Variants in MOGAT1 observed in about 807,000 individuals in gnomAD.
The protein encoded by MOGAT1 is 2-acylglycerol O-acyltransferase 1.
A neutral mutation model predicts 31.4 loss-of-function variants in MOGAT1; 32 were observed. The observed-to-expected ratio is 1.02, with a 90% CI of 0.77 to 1.37. MOGAT1 has a LOEUF of 1.37. MOGAT1 is among the 40% of genes most tolerant of loss of function. The probability of loss-of-function intolerance (pLI) is 0.00; values close to 1 mark genes in which losing one functional copy is unlikely to be tolerated. For synonymous variants in MOGAT1, 145 were observed against 144.5 expected (o/e 1.00, Z -0.03); for missense variants, 426 against 402.0 (o/e 1.06, Z -0.51).
chr2:222,675,229 A>C (rs934782384), intron 1 of MOGAT1, among the ~76,000 whole-genome samples: 5 of 152,314 alleles, frequency 3.3e-5, no homozygotes, highest in African/African-American at 1.2e-4. Context: ...ATGCTTGATT[A>C]GATTTAGATG....
intron 1 of MOGAT1, among the ~76,000 whole-genome samples, chr2:222,683,450 A>G (rs1167994119): frequency 1.3e-5 from 2 of 150,306 alleles, no homozygotes; most frequent in Admixed American, 6.6e-5. Context: ...AAAAAGGACC[A>G]GGCGCAGTGG....
intron 5 of MOGAT1, 71 bp from the exon 6 acceptor site, chr2:222,709,665 T>A (rs1441184866): frequency 1.6e-5 from 23 of 1,403,078 alleles, no homozygotes; most frequent in Middle Eastern, 3.6e-4. Flanking sequence ...TTCACAGCTG[T>A]GCATTAGGGG....
At chr2:222,684,272 C>A (rs1173893819) in intron 1 of MOGAT1, among the ~76,000 whole-genome samples, 1 of 151,942 alleles carries the variant, frequency 6.6e-6, no homozygotes, top group African/African-American at 2.4e-5. Context: ...GGCATGGTAG[C>A]ACATGCCTGT....
At chr2:222,702,868 C>CT (rs775669721) in intron 5 of MOGAT1, among the ~76,000 whole-genome samples, 33 of 149,478 alleles carry the variant, frequency 2.2e-4, no homozygotes, top group Admixed American at 2.7e-4. Context: ...AAAAAACTGA[C>CT]TAAGTAAGGG....
Position 222,695,149 on chromosome 2 carries a change from C to A in MOGAT1, c.714C>A (p.Asn238Lys), listed in dbSNP as rs1459019871. 1 of 1,613,302 alleles carries A rather than the reference C, an allele frequency of 6.2e-7. No homozygotes were observed. The highest frequency in any genetic ancestry group is 1.1e-5 in the South Asian group (1 of 90,944). Residue 238 changes from asparagine (N) to lysine (K), a missense_variant, in exon 5 of 6, where the codon AAC becomes AAA. Asn to Lys is a moderately conservative substitution (Grantham distance 94). Transcript: ENST00000446656. ...ATGAACTGTTTAAACAAACTGACAA[C>A]CCTGAAGGATCATGGATTAGAACTG... ...GENELFKQTD[N>K]PEGSWIRTVQ...
chr2:222,677,695 C>A, intron 1 of MOGAT1: 1 of 420,170 alleles, frequency 2.4e-6, no homozygotes, highest in African/African-American at 2.1e-5. Flanking sequence ...ACAGTAGCAG[C>A]CTTTCTTGTC....
At chr2:222,676,166 A>T (rs1395513411) in intron 1 of MOGAT1, among the ~76,000 whole-genome samples, 81 of 141,876 alleles carry the variant, frequency 5.7e-4, no homozygotes, top group Non-Finnish European at 8.3e-4. Context: ...TTTTTTTTTT[A>T]AATACAGACG....
intron 1 of MOGAT1, among the ~76,000 whole-genome samples, chr2:222,672,536 CA>C (rs1692433122): frequency 6.6e-6 from 1 of 152,072 alleles, no homozygotes; most frequent in Non-Finnish European, 1.5e-5. Flanking sequence ...TTAGATGGGG[CA>C]AAAACGTGGG....
chr2:222,690,858 C>T (rs1692749148), intron 3 of MOGAT1, among the ~76,000 whole-genome samples: 1 of 152,212 alleles, frequency 6.6e-6, no homozygotes, highest in Admixed American at 6.5e-5. Flanking sequence ...ACTTCTCTTC[C>T]TTGTTTTGTA....
chr2:222,694,683 A>G lies in MOGAT1; in HGVS notation c.653+147A>G, dbSNP rs554076761. On this transcript the variant is annotated intron_variant, in intron 4 of 5. Transcript: ENST00000446656. ...AAGCAGGTGTGGATGTTCTTGGGGA[A>G]TGGAATATGACCTTTTTACTACAGT... The G allele has an allele frequency of 1.4e-4, 107 of 760,554 alleles. 1 individual carries two copies. The highest frequency in any genetic ancestry group is 2.1e-4 in the Non-Finnish European group (102 of 480,272). The allele number at this position is 760,554 out of a possible 1,614,324, so 47.1% of individuals were successfully genotyped here. A position where few individuals can be genotyped will look rare whatever the true frequency, so the allele number is the denominator to read the frequency against.
intron 3 of MOGAT1, among the ~76,000 whole-genome samples, chr2:222,692,137 G>C (rs1285887360): frequency 6.6e-6 from 1 of 152,196 alleles, no homozygotes; most frequent in African/African-American, 2.4e-5. Context: ...CAGCAGCTTG[G>C]AACGTGGTTA....
intron 1 of MOGAT1, among the ~76,000 whole-genome samples, chr2:222,682,452 T>A (rs77034370): frequency 0.019 from 2,897 of 152,342 alleles, 65 homozygotes; most frequent in African/African-American, 0.052. Flanking sequence ...CCAAGCCAGT[T>A]ATCTTGTAGA....
At chr2:222,676,442 C>T (rs1039017202) in intron 1 of MOGAT1, among the ~76,000 whole-genome samples, 3 of 152,164 alleles carry the variant, frequency 2.0e-5, no homozygotes, top group African/African-American at 7.2e-5. Flanking sequence ...TAGTTCATTG[C>T]TTTTTGTTTC....
At chr2:222,705,612 A>G (rs1692993791) in intron 5 of MOGAT1, among the ~76,000 whole-genome samples, 1 of 152,016 alleles carries the variant, frequency 6.6e-6, no homozygotes, top group Non-Finnish European at 1.5e-5. Context: ...TATTTCTGAC[A>G]CCGTCATTCG....
intron 5 of MOGAT1, among the ~76,000 whole-genome samples, chr2:222,699,811 A>G (rs1692894004): frequency 6.6e-6 from 1 of 152,116 alleles, no homozygotes; most frequent in Non-Finnish European, 1.5e-5. Flanking sequence ...GTTGGGAGAT[A>G]TTTCTTAATA....
intron 1 of MOGAT1, among the ~76,000 whole-genome samples, chr2:222,684,617 C>G (rs1559229444): frequency 6.6e-6 from 1 of 152,044 alleles, no homozygotes; most frequent in Non-Finnish European, 1.5e-5. Context: ...TGCCCTGTCA[C>G]CCGGGCTGAA....
intron 3 of MOGAT1, among the ~76,000 whole-genome samples, chr2:222,694,004 G>A (rs1490630096): frequency 2.6e-5 from 4 of 152,140 alleles, no homozygotes; most frequent in Non-Finnish European, 4.4e-5. Context: ...ATACAGCTGT[G>A]CAGGTTGTGC....
At chr2:222,690,978 T>C (rs994099896) in intron 3 of MOGAT1, among the ~76,000 whole-genome samples, 1 of 152,214 alleles carries the variant, frequency 6.6e-6, no homozygotes, top group Admixed American at 6.5e-5. Context: ...ATTCAAAGCA[T>C]TGCCGCAGTG....
rs57706625 is a variant in MOGAT1 at position 222,673,331 on chromosome 2, C to CAAAAAAAAAAAAAAAAAAAAAAA, written c.94+1467_94+1468insAAAAAAAAAAAAAAAAAAAAAAA. Among the ~76,000 whole-genome samples, 2 of 102,238 alleles carry CAAAAAAAAAAAAAAAAAAAAAAA rather than the reference C, an allele frequency of 2.0e-5. 1 individual carries two copies. The highest frequency in any genetic ancestry group is 8.9e-5 in the African/African-American group (2 of 22,498). The allele number at this position is 102,238 out of a possible 152,430, so 67.1% of individuals were successfully genotyped here. ...TCCTGTGCTGCTAGGTAGAATTTAC[C>CAAAAAAAAAAAAAAAAAAAAAAA]AAAAAAAAAAAAAAATGTAATTCAA... On this transcript the variant is annotated intron_variant, in intron 1 of 5. Coordinates refer to ENST00000446656, the MANE Select transcript of MOGAT1 (RefSeq NM_058165.3).
Sources: gnomAD v4.1 joint callset for allele counts (sites outside exome capture counted in the v4.1 genomes callset) on GRCh38, gnomAD v4.1.1 for gene constraint, MANE v1.5 for transcripts, NCBI Gene and HGNC (gene_info 2026-07-23, HGNC 2026-07-21) for gene names.